Variants in COL9A1 observed in about 807,000 individuals in gnomAD.
The protein encoded by COL9A1 is collagen type IX alpha 1 chain.
COL9A1 carries 104 observed loss-of-function variants against 142.6 expected under a neutral mutation model. That is an observed-to-expected ratio of 0.73 (90% CI 0.62 to 0.86). COL9A1 has a LOEUF of 0.86. COL9A1 is among the 40% of genes least tolerant of loss of function. The pLI is 0.00. For missense variants in COL9A1, 1,210 were observed against 1,176.6 expected (o/e 1.03, Z -0.42); for synonymous variants, 466 against 396.0 (o/e 1.18, Z -2.10).
intron 33 of COL9A1, among the ~76,000 whole-genome samples, chr6:70,236,257 GA>G (rs1398860837): frequency 2.0e-5 from 3 of 151,400 alleles, no homozygotes; most frequent in Non-Finnish European, 2.9e-5. Flanking sequence ...ATACAAGTTA[GA>G]TTTTTTTTTA....
chr6:70,269,440 T>C (rs555108962), intron 16 of COL9A1, among the ~76,000 whole-genome samples, 193 bp downstream of exon 16: 4 of 152,324 alleles, frequency 2.6e-5, no homozygotes, highest in African/African-American at 9.6e-5. Context: ...AAGATACATC[T>C]ATAATGAAAA....
Position 70,255,165 on chromosome 6 carries a change from C to A in COL9A1, c.1596G>T (p.Gly532=). 1 of 1,614,128 alleles carries A rather than the reference C, an allele frequency of 6.2e-7. No homozygotes were observed. Among genetic ancestry groups the A allele is most frequent in the African/African-American group, 1.3e-5 (1 of 75,004 alleles). ...EGARGIPGLP[G]PKGDTGLPGV... ...CAGGACATACCGTGTCTCCTTTGGG[C>A]CCAGGGAGACCAGGAATTCCTCTAG... The change falls in exon 23 of 38, where the codon GGG becomes GGT. Residue 532 remains glycine, a synonymous_variant. Transcript: ENST00000357250.
At chr6:70,239,135 T>C (rs1421871502) in intron 33 of COL9A1, 119 bp downstream of exon 33, 3 of 732,476 alleles carry the variant, frequency 4.1e-6, no homozygotes, top group Non-Finnish European at 6.8e-6. Flanking sequence ...TGAGACTCCA[T>C]CTCAAAAAAA....
chr6:70,294,034 A>G (rs1264284855), intron 5 of COL9A1, 133 bp downstream of exon 5: 2 of 1,222,574 alleles, frequency 1.6e-6, no homozygotes, highest in South Asian at 1.2e-5. Flanking sequence ...GAAGCTATCT[A>G]CTTAACTTCC....
intron 10 of COL9A1, among the ~76,000 whole-genome samples, chr6:70,276,719 G>T (rs1259769909): frequency 6.6e-6 from 1 of 152,140 alleles, no homozygotes; most frequent in African/African-American, 2.4e-5. Flanking sequence ...AACCACTCAA[G>T]ATGTGATTAC....
intron 28 of COL9A1, among the ~76,000 whole-genome samples, chr6:70,247,799 GA>G (rs941382245): frequency 2.9e-3 from 431 of 149,936 alleles, no homozygotes; most frequent in African/African-American, 9.6e-3. Context: ...TACAGAGGCA[GA>G]AAAAAAAAAT....
intron 5 of COL9A1, among the ~76,000 whole-genome samples, chr6:70,286,762 T>C (rs939293126): frequency 1.1e-4 from 16 of 152,200 alleles, no homozygotes; most frequent in African/African-American, 3.6e-4. Flanking sequence ...CTATGTAGAC[T>C]AAACCCGGCT....
At chr6:70,282,094 G>T (rs962391726) in intron 7 of COL9A1, among the ~76,000 whole-genome samples, 1 of 152,168 alleles carries the variant, frequency 6.6e-6, no homozygotes, top group Non-Finnish European at 1.5e-5. Flanking sequence ...TGACCCTGGG[G>T]CGTGACCCCT....
chr6:70,226,000 C>A lies in COL9A1; in HGVS notation c.2513G>T (p.Gly838Val). ...TGGAGGGCCACGCTCCCCCTTTTCT[C>A]CCAAGTCACCTGCATTACATTAAAG... ...LGLRGPKGDL[G>V]EKGERGPPGR... is the part of the protein sequence containing the mutation. Residue 838 changes from glycine to valine, a missense_variant, in exon 37 of 38, where the codon GGA (glycine) becomes GTA (valine). By Grantham distance (109) the Gly-to-Val change is moderately radical (BLOSUM62 -3). Transcript: ENST00000357250. 1 of 1,613,460 alleles carries A rather than the reference C, an allele frequency of 6.2e-7. No homozygotes were observed. The highest frequency in any genetic ancestry group is 8.5e-7 in the Non-Finnish European group (1 of 1,179,572).
intron 7 of COL9A1, among the ~76,000 whole-genome samples, chr6:70,281,756 T>TG (rs1773182014): frequency 6.6e-6 from 1 of 151,944 alleles, no homozygotes; most frequent in Non-Finnish European, 1.5e-5. Flanking sequence ...GGAGGAGTTG[T>TG]GGAAAAGGAA....
chr6:70,274,002 C>T (rs1772577857), intron 12 of COL9A1, 45 bp downstream of exon 12: 1 of 1,330,186 alleles, frequency 7.5e-7, no homozygotes, highest in Non-Finnish European at 1.0e-6. Context: ...AGAATTTTAC[C>T]TAAAGATAGG....
chr6:70,264,881 G>A (rs1427652935), intron 18 of COL9A1, among the ~76,000 whole-genome samples: 1 of 151,952 alleles, frequency 6.6e-6, no homozygotes, highest in Non-Finnish European at 1.5e-5. Context: ...TAACTAATTT[G>A]GGTAAAATTC....
At position 70,290,490 on chromosome 6, in the gene COL9A1, G is replaced by T. The variant is rs1054812613; in HGVS notation, c.696+3677C>A. Reference sequence around the variant, plus strand: ...AAGTAACCATGAATGATGAGAAGATGTTTGAGTGGTAGACCATGTGAACAG... The same window carrying T: ...AAGTAACCATGAATGATGAGAAGATTTTTGAGTGGTAGACCATGTGAACAG... On this transcript the variant is annotated intron_variant, in intron 5 of 37. Coordinates refer to ENST00000357250, the MANE Select transcript of COL9A1 (RefSeq NM_001851.6). Among the ~76,000 whole-genome samples, 4 of 152,138 alleles carry T rather than the reference G, an allele frequency of 2.6e-5. No homozygotes were observed. The East Asian group carries it at 7.7e-4, about 29-fold the overall frequency.
rs751660212 is a variant in COL9A1, at chr6:70,225,978, A to G, written c.2535T>C (p.Pro845=). 2.0e-5 allele frequency: 33 copies of G among 1,613,870 alleles called. No homozygotes were observed. In the African/African-American group the frequency reaches 4.3e-4, roughly 21 times the overall value. Residue 845 remains proline (P), a synonymous_variant, in exon 37 of 38, where the codon CCT becomes CCC. Transcript: ENST00000357250. The part of the protein sequence containing the change: ...GDLGEKGERG[P]PGRGPNGLPG... ...GCAAACCGTTGGGACCTCTTCCTGG[A>G]GGGCCACGCTCCCCCTTTTCTCCCA... is the stretch of plus-strand genomic sequence containing the variant.
At position 70,267,319 on chromosome 6, in the gene COL9A1, G is replaced by GTTTTTTTTTTTTTTTTTTTTT. The variant is rs1050364230; in HGVS notation, c.1288-550_1288-549insAAAAAAAAAAAAAAAAAAAAA. ...TACATTTTTTGTTGTTGTTTGTTTGGTTTTTTTGTTTTTTTTTTTTGAGAT... is the reference window on the plus strand; with the variant it reads ...TACATTTTTTGTTGTTGTTTGTTTGGTTTTTTTTTTTTTTTTTTTTTTTTTTTTGTTTTTTTTTTTTGAGAT... On this transcript the variant is annotated intron_variant, in intron 17 of 37. Transcript: ENST00000357250. 3.1e-4 allele frequency among the ~76,000 whole-genome samples: 31 copies of GTTTTTTTTTTTTTTTTTTTTT among 99,682 alleles called. 1 individual carries two copies. Among genetic ancestry groups the GTTTTTTTTTTTTTTTTTTTTT allele is most frequent in the Non-Finnish European group, 5.0e-4 (23 of 45,696 alleles). 65.4% of individuals were successfully genotyped at this position (99,682 alleles called of 152,430 possible).
At chr6:70,296,580 T>C (rs1773858473) in intron 4 of COL9A1, among the ~76,000 whole-genome samples, 1 of 152,150 alleles carries the variant, frequency 6.6e-6, no homozygotes, top group Non-Finnish European at 1.5e-5. Context: ...TTATATCTAT[T>C]CTGGAATAAC....
intron 30 of COL9A1, 143 bp downstream of exon 30, chr6:70,241,820 GA>G: frequency 1.3e-6 from 1 of 771,204 alleles, no homozygotes; most frequent in Non-Finnish European, 2.2e-6. Context: ...TCTCAACTCT[GA>G]GTAATTTAAA....
chr6:70,240,497 T>G (rs1466414324), intron 32 of COL9A1, among the ~76,000 whole-genome samples, 192 bp downstream of exon 32: 1 of 151,994 alleles, frequency 6.6e-6, no homozygotes, highest in African/African-American at 2.4e-5. Flanking sequence ...GCTGCAATCT[T>G]GGGAGACTTT....
intron 35 of COL9A1, 43 bp downstream of exon 35, chr6:70,234,496 A>C: frequency 2.5e-6 from 4 of 1,595,616 alleles, no homozygotes; most frequent in South Asian, 1.1e-5. Context: ...TTAAGAAACA[A>C]GAGTTGATGG....
Sources: gnomAD v4.1 joint callset for allele counts (sites outside exome capture counted in the v4.1 genomes callset) on GRCh38, gnomAD v4.1.1 for gene constraint, MANE v1.5 for transcripts, NCBI Gene and HGNC (gene_info 2026-07-23, HGNC 2026-07-21) for gene names.